Variants in PHYKPL observed in about 807,000 individuals in gnomAD.
PHYKPL encodes 5-phosphonooxy-L-lysine phospho-lyase.
In PHYKPL, 42 loss-of-function variants were observed where a neutral mutation model predicts 51.3. The observed-to-expected ratio is 0.82, with a 90% CI of 0.64 to 1.06. The LOEUF (loss-of-function observed/expected upper bound fraction) is 1.06, where lower values mean the gene tolerates loss of function less well. Among genes scored for constraint, PHYKPL ranks in the 50% least tolerant of loss-of-function variants. PHYKPL has a pLI of 0.00. For synonymous variants in PHYKPL, 264 were observed against 236.0 expected (o/e 1.12, Z -1.09); for missense variants, 655 against 586.6 (o/e 1.12, Z -1.20).
At chr5:178,221,263 G>A (rs931938123) in intron 8 of PHYKPL, among the ~76,000 whole-genome samples, 4 of 152,248 alleles carry the variant, frequency 2.6e-5, no homozygotes, top group Middle Eastern at 3.4e-3. Flanking sequence ...GGCCTTTGTT[G>A]TTCCCCTTAC....
chr5:178,209,304 C>G (rs1312480580), intron 12 of PHYKPL: 3 of 1,597,878 alleles, frequency 1.9e-6, no homozygotes, highest in Admixed American at 3.3e-5. Context: ...TCCTACTGGC[C>G]TGACCACTGT....
chr5:178,207,562 A>C (rs1332926338), downstream of PHYKPL, among the ~76,000 whole-genome samples: 1 of 152,084 alleles, frequency 6.6e-6, no homozygotes, highest in African/African-American at 2.4e-5. Flanking sequence ...CCTGCAGTTT[A>C]AGGTCTCAGA....
chr5:178,214,237 T>C (rs546012012), intron 10 of PHYKPL, among the ~76,000 whole-genome samples: 3 of 152,176 alleles, frequency 2.0e-5, no homozygotes, highest in South Asian at 4.1e-4. Flanking sequence ...ACAATTCAAC[T>C]AGAAGGAGAA....
chr5:178,213,011 G>A lies in PHYKPL; in HGVS notation c.1265C>T (p.Ala422Val). The A allele has an allele frequency of 6.2e-7, 1 of 1,614,162 alleles. No homozygotes were observed. Among genetic ancestry groups the A allele is most frequent in the Non-Finnish European group, 8.5e-7 (1 of 1,180,002 alleles). ...KPPMCFSLDN[A>V]RQVVAKLDAI... ...ATCCAGCTTTGCCACCACCTGCCGT[G>A]CATTGTCCAGGCTGAAGCACATTGG... is the stretch of plus-strand genomic sequence containing the variant. Residue 422 changes from alanine (A) to valine (V), a missense_variant, in exon 11 of 13, where the codon GCA becomes GTA. Coordinates refer to ENST00000308158, the MANE Select transcript of PHYKPL (RefSeq NM_153373.4).
intron 12 of PHYKPL, chr5:178,210,693 A>G: frequency 8.1e-7 from 1 of 1,238,484 alleles, no homozygotes; most frequent in Non-Finnish European, 1.2e-6. Context: ...ACAATTATGT[A>G]CCAAATTTAA....
At chr5:178,225,264 C>A in intron 4 of PHYKPL, 91 bp downstream of exon 4, 1 of 1,484,612 alleles carries the variant, frequency 6.7e-7, no homozygotes, top group Non-Finnish European at 9.3e-7. Context: ...CTTATCCTCC[C>A]TGCCTAAGGC....
rs1267442758 is a variant in PHYKPL, at chr5:178,232,464, C to CCCCGCCG, written c.59+21_59+27dup. 58 of 1,358,810 alleles carry CCCCGCCG rather than the reference C, an allele frequency of 4.3e-5. 1 individual carries two copies. Among genetic ancestry groups the CCCCGCCG allele is most frequent in the South Asian group, 2.8e-4 (17 of 59,662 alleles). The allele number at this position is 1,358,810 out of a possible 1,614,324, so 84.2% of individuals were successfully genotyped here. On this transcript the variant is annotated intron_variant, in intron 1 of 12. Transcript: ENST00000308158. ...GTGCCTCTCCGCGCAGCCCCGCGCC[C>CCCCGCCG]CCCGCCGCCCGCCCCCCGCCCGGGT...
At chr5:178,211,740 T>A in intron 12 of PHYKPL, 150 bp downstream of exon 12, 1 of 610,608 alleles carries the variant, frequency 1.6e-6, no homozygotes, top group East Asian at 2.8e-5. Context: ...TTGGAGAATT[T>A]CCAGTGTTGA....
chr5:178,229,817 G>C lies in PHYKPL; in HGVS notation c.338+123C>G, dbSNP rs1364900109. 8.9e-6 allele frequency: 11 copies of C among 1,240,390 alleles called. No individual in the cohort carries two copies. In the East Asian group the frequency reaches 2.6e-4, roughly 30 times the overall value. 76.8% of individuals were successfully genotyped at this position (1,240,390 alleles called of 1,614,324 possible). A position where few individuals can be genotyped will look rare whatever the true frequency, so the allele number is the denominator to read the frequency against. ...CTACAGCCGGGAATCTCAGGAGCCT[G>C]GTGCAGTGGGGGCTGCCTCTCCGAG... On this transcript the variant is annotated intron_variant, in intron 3 of 12. Transcript: ENST00000308158.
At chr5:178,232,454 G>GC in intron 1 of PHYKPL, 38 bp downstream of exon 1, 1 of 1,377,552 alleles carries the variant, frequency 7.3e-7, no homozygotes, top group Non-Finnish European at 9.3e-7. Context: ...TCTCCGCGCA[G>GC]CCCCGCGCCC....
At chr5:178,231,668 C>T (rs1401777373) in intron 1 of PHYKPL, 145 bp from the exon 2 acceptor site, 1 of 1,579,862 alleles carries the variant, frequency 6.3e-7, no homozygotes, top group Admixed American at 1.9e-5. Flanking sequence ...TGCTTCCCTG[C>T]CTTGTCTCTC....
At position 178,231,532 on chromosome 5, in the gene PHYKPL, A is replaced by ACGTCC. The variant is rs1421514247; in HGVS notation, c.60-10_60-9insGGACG. ...AGAGTCTGCAGGAAGAGCTGTGGGG[A>ACGTCC]CAGGCAAGGAGTGGACAGCCATGTC... On this transcript the variant is annotated splice_polypyrimidine_tract_variant and intron_variant, in intron 1 of 12. Coordinates refer to ENST00000308158, the MANE Select transcript of PHYKPL (RefSeq NM_153373.4). 6.2e-7 allele frequency: 1 copy of ACGTCC among 1,614,130 alleles called. No individual in the cohort carries two copies. Among genetic ancestry groups the ACGTCC allele is most frequent in the Non-Finnish European group, 8.5e-7 (1 of 1,179,992 alleles).
In PHYKPL at chr5:178,225,398, C is replaced by A. The variant is rs767068581; in HGVS notation, c.370G>T (p.Ala124Ser). 1.9e-6 allele frequency: 3 copies of A among 1,614,034 alleles called. No homozygotes were observed. The Admixed American group carries it at 5.0e-5, about 27-fold the overall frequency. Residue 124 changes from alanine to serine, a missense_variant, in exon 4 of 13, where the codon GCT becomes TCT. Transcript: ENST00000308158. ...TCCTGGTGTCCCGTGTAGTGGCGAG[C>A]CAGCCTCAGGGCCAGGTCATTGGCT... ...SEANDLALRL[A>S]RHYTGHQDVV... is the part of the protein sequence containing the mutation.
rs551409852 is a variant in PHYKPL, at chr5:178,223,789, G to A, written c.618+659C>T. 1.7e-4 allele frequency: 51 copies of A among 294,000 alleles called. No homozygotes were observed. The Admixed American group carries it at 2.1e-3, about 12-fold the overall frequency. The allele number at this position is 294,000 out of a possible 1,614,324, so 18.2% of individuals were successfully genotyped here. On this transcript the variant is annotated intron_variant, in intron 6 of 12. Coordinates refer to ENST00000308158, the MANE Select transcript of PHYKPL (RefSeq NM_153373.4). ...CAACAGTCTTCCCTCTGTTGTCACC[G>A]TAGGTAACACACCTCTCTCTCCTAT...
chr5:178,232,387 T>C (rs1763671132), intron 1 of PHYKPL, 105 bp downstream of exon 1: 1 of 1,320,440 alleles, frequency 7.6e-7, no homozygotes, highest in Non-Finnish European at 9.6e-7. Context: ...AGCAGCGGCT[T>C]CCTAGCCGGA....
intron 6 of PHYKPL, chr5:178,223,938 A>G (rs1315626211): frequency 5.1e-6 from 1 of 197,210 alleles, no homozygotes; most frequent in African/African-American, 2.4e-5. Flanking sequence ...TCCATCCTCC[A>G]CATAGCCCTG....
intron 1 of PHYKPL, chr5:178,232,160 C>T: frequency 2.5e-6 from 3 of 1,210,970 alleles, no homozygotes; most frequent in Non-Finnish European, 2.1e-6. Flanking sequence ...TCTCAGGCGC[C>T]AGGGTGAAGG....
Position 178,222,939 on chromosome 5 carries a change from G to C in PHYKPL, c.619-5C>G. The C allele has an allele frequency of 1.9e-6, 3 of 1,613,972 alleles. No individual in the cohort carries two copies. The highest frequency in any genetic ancestry group is 2.5e-6 in the Non-Finnish European group (3 of 1,179,918). On this transcript the variant is annotated splice_region_variant and splice_polypyrimidine_tract_variant and intron_variant, in intron 6 of 12. Transcript: ENST00000308158. ...CTCAGCGAAGAAGGCTGCAATCTGTGAAGAGATGGACATTGGGAACACGAC... is the reference window on the plus strand; with the variant it reads ...CTCAGCGAAGAAGGCTGCAATCTGTCAAGAGATGGACATTGGGAACACGAC...
intron 8 of PHYKPL, among the ~76,000 whole-genome samples, chr5:178,221,451 T>C (rs1054237317): frequency 6.6e-6 from 1 of 152,114 alleles, no homozygotes; most frequent in African/African-American, 2.4e-5. Flanking sequence ...GTCATGACCA[T>C]GTGTCTGTGA....
Sources: gnomAD v4.1 joint callset for allele counts (sites outside exome capture counted in the v4.1 genomes callset) on GRCh38, gnomAD v4.1.1 for gene constraint, MANE v1.5 for transcripts, NCBI Gene and HGNC (gene_info 2026-07-23, HGNC 2026-07-21) for gene names.